The following WWOX variants were observed in gnomAD, a reference collection of about 807,000 sequenced individuals.
WWOX encodes the protein WW domain containing oxidoreductase, also known as WW domain-containing oxidoreductase.
A neutral mutation model predicts 46.2 loss-of-function variants in WWOX; 69 were observed. The ratio of observed to expected loss-of-function variants is 1.49; its 90% confidence interval spans 1.23 to 1.82. The LOEUF (loss-of-function observed/expected upper bound fraction) is 1.82. WWOX is among the 40% of genes most tolerant of loss of function. The pLI is 0.00. For missense variants in WWOX, 919 were observed against 542.6 expected, an observed-to-expected ratio of 1.69 and a Z score of -6.89; for synonymous variants, 359 against 202.6, an observed-to-expected ratio of 1.77 and a Z score of -6.56.
intron 8 of WWOX, among the ~76,000 whole-genome samples, chr16:78,454,466 T>C (rs867209488): frequency 1.4e-4 from 21 of 151,628 alleles, no homozygotes; most frequent in African/African-American, 1.9e-4. Context: ...CTGTTTTTTT[T>C]CCCCTAGGTT....
At chr16:78,246,301 A>T (rs1186311899) in intron 5 of WWOX, among the ~76,000 whole-genome samples, 1 of 152,202 alleles carries the variant, frequency 6.6e-6, no homozygotes, top group Non-Finnish European at 1.5e-5. Flanking sequence ...CATATAACCC[A>T]GTTTGCCAGG....
chr16:79,085,768 A>G lies in WWOX; in HGVS notation c.1057-125840A>G, dbSNP rs57644355. Among the ~76,000 whole-genome samples the G allele has an allele frequency of 5.9e-3, 901 of 152,330 alleles. 14 individuals carry two copies. Among genetic ancestry groups the G allele is most frequent in the African/African-American group, 0.021 (869 of 41,580 alleles). The stretch of plus-strand genomic sequence containing the variant: ...ATTAGCAGAAATGTAGTCAGTAGCC[A>G]GGCATAGTGGCTCACACCTGTAATC... On this transcript the variant is annotated intron_variant, in intron 8 of 8. Transcript: ENST00000566780.
intron 8 of WWOX, among the ~76,000 whole-genome samples, chr16:79,107,907 T>C (rs1256051976): frequency 6.6e-6 from 1 of 152,214 alleles, no homozygotes; most frequent in East Asian, 1.9e-4. Context: ...CTGGGGATTT[T>C]GGAAAATGAT....
intron 8 of WWOX, among the ~76,000 whole-genome samples, chr16:78,664,689 C>G (rs1403030354): frequency 6.6e-6 from 1 of 152,190 alleles, no homozygotes; most frequent in Non-Finnish European, 1.5e-5. Context: ...GAACGGCCAG[C>G]AGAGTAGAAA....
rs73571069 is a variant in WWOX at position 78,412,985 on chromosome 16, C to T, written c.606-11885C>T. Among the ~76,000 whole-genome samples the T allele has an allele frequency of 9.8e-3, 1,497 of 152,216 alleles. 23 individuals carry two copies. Among genetic ancestry groups the T allele is most frequent in the African/African-American group, 0.033 (1,363 of 41,518 alleles). On this transcript the variant is annotated intron_variant, in intron 6 of 8. Transcript: ENST00000566780. The stretch of plus-strand genomic sequence containing the variant: ...TTCCTTCTGTTCTGATTTTTCCTTA[C>T]CTGATGGTCAGAAAGATCTGATTGA...
intron 8 of WWOX, among the ~76,000 whole-genome samples, chr16:79,046,024 G>T (rs539787438): frequency 1.9e-4 from 29 of 151,870 alleles, no homozygotes; most frequent in African/African-American, 5.5e-4. Context: ...CTGGCCTCGA[G>T]CTCCTGACCT....
intron 5 of WWOX, among the ~76,000 whole-genome samples, chr16:78,227,825 C>T (rs1216183560): frequency 1.3e-5 from 2 of 152,082 alleles, no homozygotes; most frequent in African/African-American, 2.4e-5. Context: ...TGCAGTGAGT[C>T]GAGTCGTGTC....
chr16:78,683,318 G>T (rs578223325), intron 8 of WWOX, among the ~76,000 whole-genome samples: 2 of 137,062 alleles, frequency 1.5e-5, no homozygotes, highest in African/African-American at 5.2e-5. Context: ...CGGGTGGATT[G>T]CCTGAGCTCA....
chr16:78,179,047 T>A (rs1483961616), intron 5 of WWOX, among the ~76,000 whole-genome samples: 1 of 152,062 alleles, frequency 6.6e-6, no homozygotes, highest in Non-Finnish European at 1.5e-5. Context: ...GATAATCAGG[T>A]GGCTGGGTGG....
At chr16:78,218,207 A>G (rs2036784160) in intron 5 of WWOX, among the ~76,000 whole-genome samples, 1 of 152,070 alleles carries the variant, frequency 6.6e-6, no homozygotes, top group Non-Finnish European at 1.5e-5. Context: ...GATGTGTGTC[A>G]CCATACCTGG....
intron 8 of WWOX, among the ~76,000 whole-genome samples, chr16:79,067,229 G>A (rs1181245942): frequency 6.6e-6 from 1 of 152,124 alleles, no homozygotes; most frequent in African/African-American, 2.4e-5. Context: ...ATTCACTATC[G>A]AGAACGATTG....
intron 8 of WWOX, among the ~76,000 whole-genome samples, chr16:78,479,747 G>A (rs1359960806): frequency 6.6e-6 from 1 of 152,152 alleles, no homozygotes; most frequent in Non-Finnish European, 1.5e-5. Context: ...TCTGGCCTGG[G>A]AGTCTAGACA....
intron 8 of WWOX, among the ~76,000 whole-genome samples, chr16:78,800,603 T>A (rs1156601869): frequency 6.6e-6 from 1 of 152,210 alleles, no homozygotes. Context: ...GCCATTCGCT[T>A]CCTTTGCTAA....
chr16:79,098,178 G>T (rs564157925), intron 8 of WWOX, among the ~76,000 whole-genome samples: 74 of 152,292 alleles, frequency 4.9e-4, no homozygotes, highest in African/African-American at 1.7e-3. Context: ...AAAACACACA[G>T]ATGCCTGGGC....
chr16:78,310,996 G>C (rs764658233), intron 5 of WWOX, among the ~76,000 whole-genome samples: 1 of 152,188 alleles, frequency 6.6e-6, no homozygotes, highest in Non-Finnish European at 1.5e-5. Flanking sequence ...TGCCTGCGTG[G>C]CTTAGAGGAA....
At chr16:78,710,337 C>A (rs2048411937) in intron 8 of WWOX, among the ~76,000 whole-genome samples, 1 of 151,346 alleles carries the variant, frequency 6.6e-6, no homozygotes, top group African/African-American at 2.4e-5. Flanking sequence ...GCAGCTGCTT[C>A]TAGCCGCTCC....
intron 5 of WWOX, among the ~76,000 whole-genome samples, chr16:78,314,628 G>T (rs1235489327): frequency 1.4e-5 from 2 of 144,002 alleles, no homozygotes; most frequent in African/African-American, 5.2e-5. Context: ...GGGTTCAAGC[G>T]ATTCTTCTGC....
intron 8 of WWOX, among the ~76,000 whole-genome samples, chr16:78,915,294 C>CT (rs2151261364): frequency 6.6e-6 from 1 of 152,308 alleles, no homozygotes; most frequent in Admixed American, 6.5e-5. Flanking sequence ...GTCACCTGTC[C>CT]TTTATCTTGG....
At chr16:78,826,009 G>C (rs2051644415) in intron 8 of WWOX, 3 of 562,128 alleles carry the variant, frequency 5.3e-6, no homozygotes, top group Non-Finnish European at 9.3e-6. Flanking sequence ...TAGCATAACG[G>C]GCTGTCCTTG....
Sources: gnomAD v4.1 joint callset for allele counts (sites outside exome capture counted in the v4.1 genomes callset) on GRCh38, gnomAD v4.1.1 for gene constraint, MANE v1.5 for transcripts, NCBI Gene and HGNC (gene_info 2026-07-23, HGNC 2026-07-21) for gene names.